SMYD3: variants seen among roughly 807,000 people sequenced by gnomAD.
SMYD3 encodes histone-lysine N-methyltransferase SMYD3.
Under a neutral mutation model 57.7 loss-of-function variants are expected in SMYD3, and 36 were observed. The ratio of observed to expected loss-of-function variants is 0.62; its 90% CI spans 0.48 to 0.82. The LOEUF (loss-of-function observed/expected upper bound fraction) is 0.82, where lower values mean the gene tolerates loss of function less well. SMYD3 is among the 40% of genes least tolerant of loss of function. The pLI is 0.00. For synonymous variants in SMYD3, 211 were observed against 195.0 expected (o/e 1.08, Z -0.68); for missense variants, 515 against 538.8 (o/e 0.96, Z 0.44).
chr1:246,218,797 T>G (rs904675015), intron 5 of SMYD3, among the ~76,000 whole-genome samples: 20 of 152,156 alleles, frequency 1.3e-4, no homozygotes, highest in African/African-American at 4.8e-4. Context: ...GCCAAAAGCC[T>G]GAAGCTATAC....
chr1:245,846,237 C>T (rs775432577), intron 10 of SMYD3, among the ~76,000 whole-genome samples: 14 of 152,296 alleles, frequency 9.2e-5, no homozygotes, highest in South Asian at 2.1e-4. Context: ...AGGAGCCAGA[C>T]GTCAGTCCGA....
chr1:246,011,808 G>A (rs890604690), intron 5 of SMYD3, among the ~76,000 whole-genome samples: 2 of 152,092 alleles, frequency 1.3e-5, no homozygotes, highest in African/African-American at 2.4e-5. Flanking sequence ...CTAAGTTTAC[G>A]CTTGCTCCAC....
At chr1:246,037,417 C>G (rs2059795950) in intron 5 of SMYD3, among the ~76,000 whole-genome samples, 1 of 152,200 alleles carries the variant, frequency 6.6e-6, no homozygotes, top group African/African-American at 2.4e-5. Flanking sequence ...CCCCTGAGGA[C>G]AGCATCACCT....
intron 5 of SMYD3, among the ~76,000 whole-genome samples, chr1:246,171,935 C>T (rs915129971): frequency 4.6e-5 from 7 of 152,178 alleles, no homozygotes; most frequent in Admixed American, 4.6e-4. Context: ...TGCTTGAGCC[C>T]AGGAGTTCGA....
rs941932838 is a variant in SMYD3 at position 246,060,043 on chromosome 1, T to C, written c.532-130106A>G. Among the ~76,000 whole-genome samples the C allele has an allele frequency of 8.6e-5, 13 of 151,980 alleles. No individual in the cohort carries two copies. The East Asian group carries it at 2.1e-3, about 25-fold the overall frequency. On this transcript the variant is annotated intron_variant, in intron 5 of 11. Transcript: ENST00000490107. ...CACACCTGTAATAATCCCAGCATAT[T>C]AGGAGGCCGAAGTGGAAGGATCACT...
chr1:246,485,685 T>C (rs2068177621), intron 1 of SMYD3, among the ~76,000 whole-genome samples: 1 of 152,020 alleles, frequency 6.6e-6, no homozygotes. Flanking sequence ...CCCAGCTATT[T>C]GGGCTGAGGT....
chr1:245,833,147 A>T (rs2049943857), intron 10 of SMYD3, among the ~76,000 whole-genome samples: 1 of 151,944 alleles, frequency 6.6e-6, no homozygotes, highest in African/African-American at 2.4e-5. Flanking sequence ...AGATTTACAG[A>T]AAAGTTGCAA....
chr1:245,839,169 TATTTTA>T (rs1264385854), intron 10 of SMYD3, among the ~76,000 whole-genome samples: 1 of 152,210 alleles, frequency 6.6e-6, no homozygotes, highest in Non-Finnish European at 1.5e-5. Context: ...CTTTTTATTT[TATTTTA>T]ATTTTTATTA....
chr1:246,404,113 G>A (rs1225116547), intron 1 of SMYD3, among the ~76,000 whole-genome samples: 1 of 152,142 alleles, frequency 6.6e-6, no homozygotes, highest in Non-Finnish European at 1.5e-5. Context: ...TCTTAAATTC[G>A]AATCACAATG....
intron 2 of SMYD3, among the ~76,000 whole-genome samples, chr1:246,347,486 T>C (rs1266497237): frequency 6.6e-6 from 1 of 152,372 alleles, no homozygotes; most frequent in Admixed American, 6.5e-5. Flanking sequence ...TTATAGATAC[T>C]GAAATGGTTT....
chr1:245,989,326 A>C (rs529891632), intron 5 of SMYD3, among the ~76,000 whole-genome samples: 3 of 152,274 alleles, frequency 2.0e-5, no homozygotes, highest in Non-Finnish European at 4.4e-5. Context: ...CTCCCCCAGT[A>C]CTTGACCATT....
At chr1:245,930,078 C>A in intron 5 of SMYD3, 141 bp from the exon 6 acceptor site, 1 of 670,584 alleles carries the variant, frequency 1.5e-6, no homozygotes, top group Non-Finnish European at 2.7e-6. Flanking sequence ...CATGGATGCT[C>A]TTTGACTTAC....
At chr1:245,908,726 G>A (rs753724585) in intron 8 of SMYD3, among the ~76,000 whole-genome samples, 1 of 152,168 alleles carries the variant, frequency 6.6e-6, no homozygotes, top group Non-Finnish European at 1.5e-5. Flanking sequence ...TTGGGTCAGT[G>A]AAGCAATTGA....
chr1:246,313,356 T>A lies in SMYD3; in HGVS notation c.531+13845A>T, dbSNP rs572649326. On this transcript the variant is annotated intron_variant, in intron 5 of 11. Transcript: ENST00000490107. ...ACCTGAAAGACCCACAGCCACTGAATGATTGTGAAGGAGGAAAAACAGACC... is the reference window on the plus strand; with the variant it reads ...ACCTGAAAGACCCACAGCCACTGAAAGATTGTGAAGGAGGAAAAACAGACC... Among the ~76,000 whole-genome samples, 5 of 152,268 alleles carry A rather than the reference T, an allele frequency of 3.3e-5. No homozygotes were observed. The South Asian group carries it at 8.3e-4, about 25-fold the overall frequency.
At chr1:245,880,035 C>T (rs2052694283) in intron 8 of SMYD3, among the ~76,000 whole-genome samples, 2 of 151,592 alleles carry the variant, frequency 1.3e-5, no homozygotes, top group South Asian at 2.1e-4. Flanking sequence ...AGAGATAGCA[C>T]AGGTGCGTTG....
At chr1:246,320,269 T>A (rs1378312573) in intron 5 of SMYD3, among the ~76,000 whole-genome samples, 3 of 152,110 alleles carry the variant, frequency 2.0e-5, no homozygotes. Context: ...AACCAGTACA[T>A]ATTGCAAAAC....
intron 8 of SMYD3, among the ~76,000 whole-genome samples, chr1:245,892,670 G>C (rs1409440853): frequency 6.6e-6 from 1 of 152,118 alleles, no homozygotes; most frequent in Non-Finnish European, 1.5e-5. Context: ...TCAGCAAATG[G>C]TACTAGAATC....
intron 5 of SMYD3, among the ~76,000 whole-genome samples, chr1:246,057,343 C>A (rs149213752): frequency 3.3e-5 from 5 of 152,274 alleles, no homozygotes; most frequent in African/African-American, 1.2e-4. Context: ...GAAAAAGCTA[C>A]TTTTACAGGT....
Position 246,199,599 on chromosome 1 carries a change from GACA to G in SMYD3, c.531+127599_531+127601del, listed in dbSNP as rs528284200. Among the ~76,000 whole-genome samples, 5 of 152,272 alleles carry G rather than the reference GACA, an allele frequency of 3.3e-5. No homozygotes were observed. The South Asian group carries it at 1.0e-3, about 32-fold the overall frequency. The stretch of plus-strand genomic sequence containing the variant: ...ATTACTGGATACTCCCTCCCTTCAG[GACA>G]ACGTTTGACACATTTCCAATATCTT... On this transcript the variant is annotated intron_variant, in intron 5 of 11. Coordinates refer to ENST00000490107, the MANE Select transcript of SMYD3 (RefSeq NM_001167740.2).
Sources: allele counts gnomAD v4.1 joint callset (sites outside exome capture counted in the v4.1 genomes callset), GRCh38; gene constraint gnomAD v4.1.1; transcripts MANE v1.5; gene names NCBI Gene and HGNC (gene_info 2026-07-23, HGNC 2026-07-21).